The following SOS2 variants were observed in gnomAD, a reference collection of about 807,000 sequenced individuals.
SOS2 encodes the protein SOS Ras/Rho guanine nucleotide exchange factor 2, also known as son of sevenless homolog 2.
Under a neutral mutation model 148.2 loss-of-function variants are expected in SOS2, and 65 were observed. That is an observed-to-expected ratio of 0.44 (90% confidence interval 0.36 to 0.54). The LOEUF is 0.54. SOS2 is among the 20% of genes least tolerant of loss of function. The pLI is 0.00. For missense variants in SOS2, 1,341 were observed against 1,590.2 expected (o/e 0.84, Z 2.67); for synonymous variants, 539 against 537.1 (o/e 1.00, Z -0.05).
intron 11 of SOS2, among the ~76,000 whole-genome samples, chr14:50,157,361 CA>C (rs1884853718): frequency 6.6e-6 from 1 of 151,784 alleles, no homozygotes; most frequent in South Asian, 2.1e-4. Context: ...AGAAAAGGTC[CA>C]GGGAAAAGAG....
chr14:50,158,988 T>C (rs149069039), intron 10 of SOS2, among the ~76,000 whole-genome samples: 62 of 151,666 alleles, frequency 4.1e-4, no homozygotes, highest in African/African-American at 1.4e-3. Flanking sequence ...ATCGAAACCA[T>C]CCTGGCTAAC....
At chr14:50,132,916 T>C (rs891869932) in intron 19 of SOS2, among the ~76,000 whole-genome samples, 2 of 152,122 alleles carry the variant, frequency 1.3e-5, no homozygotes, top group African/African-American at 4.8e-5. Context: ...AGAGTTTTGA[T>C]GGCAGATCAT....
Position 50,140,069 on chromosome 14 carries a change from T to C in SOS2, c.2668-10A>G, listed in dbSNP as rs376672810. On this transcript the variant is annotated splice_polypyrimidine_tract_variant and intron_variant, in intron 16 of 22. Transcript: ENST00000216373. Reference sequence around the variant, plus strand: ...TCCTTTCCTGCAGTGCCTTAAAGTATACATAAATTGAGTATAAATTTTTTA... The same window carrying C: ...TCCTTTCCTGCAGTGCCTTAAAGTACACATAAATTGAGTATAAATTTTTTA... 5 of 1,224,462 alleles carry C rather than the reference T, an allele frequency of 4.1e-6. No individual in the cohort carries two copies. Among genetic ancestry groups the C allele is most frequent in the African/African-American group, 1.5e-5 (1 of 67,138 alleles). 75.8% of individuals were successfully genotyped at this position (1,224,462 alleles called of 1,614,324 possible).
At chr14:50,201,195 C>T (rs529729286) in intron 2 of SOS2, 111 bp from the exon 3 acceptor site, 83 of 987,382 alleles carry the variant, frequency 8.4e-5, no homozygotes, top group Admixed American at 3.2e-4. Context: ...ATAATAGTGA[C>T]ACAATACATT....
intron 21 of SOS2, among the ~76,000 whole-genome samples, chr14:50,125,588 CAGAT>C (rs1883655893): frequency 1.1e-5 from 1 of 88,286 alleles, no homozygotes; most frequent in African/African-American, 4.5e-5. Context: ...TATATGGAGA[CAGAT>C]GGAGGAAGAT....
chr14:50,177,230 G>A (rs1453788466), intron 7 of SOS2, among the ~76,000 whole-genome samples: 2 of 152,200 alleles, frequency 1.3e-5, no homozygotes, highest in East Asian at 1.9e-4. Flanking sequence ...TAAGGCAGGA[G>A]AATCGCTTTA....
chr14:50,146,771 T>C lies in SOS2; in HGVS notation c.2385-1175A>G, dbSNP rs74049165. Among the ~76,000 whole-genome samples, 762 of 152,296 alleles carry C rather than the reference T, an allele frequency of 5.0e-3. 5 individuals are homozygous for C. The highest frequency in any genetic ancestry group is 0.016 in the African/African-American group (684 of 41,558). ...CTGGATAAATTGTGGAGTATAAATA[T>C]AACGGAACACTACACAGCATCTAAA... On this transcript the variant is annotated intron_variant, in intron 14 of 22. Coordinates refer to ENST00000216373, the MANE Select transcript of SOS2 (RefSeq NM_006939.4).
At chr14:50,149,515 G>A (rs917651948) in intron 14 of SOS2, among the ~76,000 whole-genome samples, 1 of 152,120 alleles carries the variant, frequency 6.6e-6, no homozygotes, top group Non-Finnish European at 1.5e-5. Flanking sequence ...GGGAGGAGGG[G>A]AAAACAGAGA....
chr14:50,230,820 A>C, intron 1 of SOS2: 6 of 889,560 alleles, frequency 6.7e-6, no homozygotes, highest in African/African-American at 1.8e-5. Flanking sequence ...CAAAGAACTT[A>C]ATTAAAAGTA....
rs148063807 is a variant in SOS2, at chr14:50,187,570, C to T, written c.714+927G>A. Among the ~76,000 whole-genome samples the T allele has an allele frequency of 7.4e-4, 113 of 151,718 alleles. 3 individuals carry two copies. The East Asian group carries it at 0.021, about 29-fold the overall frequency. ...TTCACCGTGTTAGCCAGGATGGTCT[C>T]GATCTCCTGACCACGTGATCTGCCT... On this transcript the variant is annotated intron_variant, in intron 5 of 22. Coordinates refer to ENST00000216373, the MANE Select transcript of SOS2 (RefSeq NM_006939.4).
intron 18 of SOS2, among the ~76,000 whole-genome samples, chr14:50,135,306 C>T (rs982350381): frequency 6.6e-6 from 1 of 150,880 alleles, no homozygotes; most frequent in Non-Finnish European, 1.5e-5. Flanking sequence ...TAAAAAAAGC[C>T]TAATAAATAA....
At chr14:50,224,989 T>C (rs570074078) in intron 1 of SOS2, among the ~76,000 whole-genome samples, 7 of 151,770 alleles carry the variant, frequency 4.6e-5, no homozygotes, top group East Asian at 1.9e-4. Flanking sequence ...GAAGAGCTAA[T>C]ACTAGTCCTT....
chr14:50,129,288 G>C (rs1299485066), intron 21 of SOS2, among the ~76,000 whole-genome samples: 1 of 152,186 alleles, frequency 6.6e-6, no homozygotes, highest in Admixed American at 6.5e-5. Flanking sequence ...ATGGGAAAAT[G>C]ATTTGAAAAG....
At chr14:50,146,136 A>G (rs1347711222) in intron 14 of SOS2, among the ~76,000 whole-genome samples, 4 of 141,724 alleles carry the variant, frequency 2.8e-5, no homozygotes, top group African/African-American at 8.6e-5. Context: ...TCTGTCTCCA[A>G]AAAAAAAAAA....
chr14:50,180,583 G>C lies in SOS2; in HGVS notation c.958C>G (p.Leu320Val), dbSNP rs777858898. The C allele has an allele frequency of 3.0e-6, 4 of 1,343,320 alleles. No homozygotes were observed. The Admixed American group carries it at 6.3e-5, about 21-fold the overall frequency. 83.2% of individuals were successfully genotyped at this position (1,343,320 alleles called of 1,614,324 possible). A position where few individuals can be genotyped will look rare whatever the true frequency, so the allele number is the denominator to read the frequency against. ...CAATTTAAGTTTACCTGAAAGTGTA[G>C]AGCAACTGCAGGTCTGGCCATCAAT... is the stretch of plus-strand genomic sequence containing the variant. ...NKLMARPAVA[L>V]HFQSIADGFK... The change falls in exon 7 of 23, where the codon CTA becomes GTA. Residue 320 changes from leucine to valine, a missense_variant. This residue lies in a region of SOS2 where 574 missense variants were observed against 711.1 expected (regional missense o/e 0.81). Coordinates refer to ENST00000216373, the MANE Select transcript of SOS2 (RefSeq NM_006939.4).
chr14:50,230,458 C>G (rs1221674355), intron 1 of SOS2, among the ~76,000 whole-genome samples: 1 of 152,186 alleles, frequency 6.6e-6, no homozygotes, highest in African/African-American at 2.4e-5. Flanking sequence ...AGGAAGACCG[C>G]CACCATCTAC....
intron 14 of SOS2, among the ~76,000 whole-genome samples, chr14:50,147,204 A>AAACAAC (rs551631123): frequency 1.3e-5 from 2 of 151,786 alleles, no homozygotes; most frequent in South Asian, 4.2e-4. Context: ...TTAAACAAAC[A>AAACAAC]AACAACAACA....
chr14:50,145,951 A>G (rs551864484), intron 14 of SOS2, among the ~76,000 whole-genome samples: 1 of 152,106 alleles, frequency 6.6e-6, no homozygotes, highest in African/African-American at 2.4e-5. Context: ...CCTGACCATC[A>G]TGGAAAAACC....
At chr14:50,167,821 G>GAT (rs1885214173) in intron 8 of SOS2, among the ~76,000 whole-genome samples, 1 of 26,538 alleles carries the variant, frequency 3.8e-5, no homozygotes, top group African/African-American at 2.0e-4. Context: ...AGTGAGCCGA[G>GAT]ATCACCACTG....
Sources: allele counts gnomAD v4.1 joint callset (sites outside exome capture counted in the v4.1 genomes callset), GRCh38; gene constraint gnomAD v4.1.1; regional missense constraint gnomAD v4.1.1; transcripts MANE v1.5; gene names NCBI Gene and HGNC (gene_info 2026-07-23, HGNC 2026-07-21).